Variants in GPR107 observed in about 807,000 individuals in gnomAD.
The protein encoded by GPR107 is G protein-coupled receptor 107.
In GPR107, 31 loss-of-function variants were observed where a neutral mutation model predicts 75.5. That is an observed-to-expected ratio of 0.41 (90% CI 0.31 to 0.55). The LOEUF is 0.55. Ranked by LOEUF, GPR107 falls within the 20% of genes least tolerant of loss-of-function variation. The probability of loss-of-function intolerance (pLI) is 0.26; values close to 1 mark genes in which losing one functional copy is unlikely to be tolerated. For synonymous variants in GPR107, 267 were observed against 251.3 expected (o/e 1.06, Z -0.59); for missense variants, 572 against 665.7 (o/e 0.86, Z 1.55).
At chr9:130,085,754 ATTTTTT>A (rs71387311) in intron 6 of GPR107, among the ~76,000 whole-genome samples, 5 of 78,672 alleles carry the variant, frequency 6.4e-5, no homozygotes, top group African/African-American at 2.5e-4. Flanking sequence ...CAATATTTTG[ATTTTTT>A]TTTTTTTTTT....
At position 130,128,514 on chromosome 9, in the gene GPR107, G is replaced by A. The variant is rs548857891; in HGVS notation, c.1441-126G>A. On this transcript the variant is annotated intron_variant, in intron 16 of 17. Coordinates refer to ENST00000347136, the MANE Select transcript of GPR107 (RefSeq NM_020960.5). ...AGGAAAATGCCCTGTAGCAGGAAGT[G>A]GCATCTGAGTAAAGAACCATCGAGT... 1.1e-4 allele frequency: 85 copies of A among 787,266 alleles called. 1 individual carries two copies. In the South Asian group the frequency reaches 1.3e-3, roughly 12 times the overall value. The allele number at this position is 787,266 out of a possible 1,614,324, so 48.8% of individuals were successfully genotyped here. A position where few individuals can be genotyped will look rare whatever the true frequency, so the allele number is the denominator to read the frequency against.
At position 130,127,838 on chromosome 9, in the gene GPR107, G is replaced by T. The variant is rs373286027; in HGVS notation, c.1440+272G>T. 2.4e-4 allele frequency among the ~76,000 whole-genome samples: 37 copies of T among 152,304 alleles called. 2 individuals carry two copies. In the South Asian group the frequency reaches 7.5e-3, roughly 31 times the overall value. On this transcript the variant is annotated intron_variant, in intron 16 of 17. Transcript: ENST00000347136. ...CTGCCTCAGCCTCCTGAGTAGCTGG[G>T]ATTATAGGGATGCACCACCATGCCC...
In GPR107 at chr9:130,076,459, C is replaced by T; in HGVS notation, c.303C>T (p.Tyr101=). The change falls in exon 3 of 18, where the codon TAC becomes TAT. Residue 101 remains tyrosine, a synonymous_variant. Transcript: ENST00000347136. The part of the protein sequence containing the change: ...DRTKNDGFSS[Y]LDEDVNYCIL... ...CAAAGAATGATGGCTTTTCTTCTTA[C>T]CTGGTGAGTATTAAATGTGTGACCT... 6.4e-7 allele frequency: 1 copy of T among 1,568,258 alleles called. No individual in the cohort carries two copies. The highest frequency in any genetic ancestry group is 8.8e-7 in the Non-Finnish European group (1 of 1,138,138).
At chr9:130,066,965 G>C (rs535066514) in intron 1 of GPR107, among the ~76,000 whole-genome samples, 22 of 151,464 alleles carry the variant, frequency 1.5e-4, no homozygotes, top group African/African-American at 5.1e-4. Context: ...CAGCCTGGGC[G>C]ACAGAGCGAG....
intron 14 of GPR107, chr9:130,110,367 C>G (rs902773125): frequency 6.5e-7 from 1 of 1,527,252 alleles, no homozygotes; most frequent in Non-Finnish European, 8.9e-7. Flanking sequence ...TTTTTTCCAC[C>G]AGGTGACAGC....
intron 14 of GPR107, among the ~76,000 whole-genome samples, chr9:130,115,962 A>G (rs564756612): frequency 8.5e-5 from 13 of 152,256 alleles, no homozygotes; most frequent in African/African-American, 2.9e-4. Context: ...TTAATCACCA[A>G]AACTCTCTTG....
At position 130,090,900 on chromosome 9, in the gene GPR107, G is replaced by T; in HGVS notation, c.646G>T (p.Asp216Tyr). ...GTTTTTCTTTAACATCAGCACTGAT[G>T]ACCAAGAAGGCCTTTACAGTCTTTA... ...FQFFFNISTDDQEGLYSLYFH... is the reference protein window; with the variant it reads ...FQFFFNISTDYQEGLYSLYFH... The change falls in exon 8 of 18, where the codon GAC (aspartate) becomes TAC (tyrosine). Residue 216 changes from aspartate to tyrosine, a missense_variant. Coordinates refer to ENST00000347136, the MANE Select transcript of GPR107 (RefSeq NM_020960.5). 2 of 1,490,018 alleles carry T rather than the reference G, an allele frequency of 1.3e-6. No homozygotes were observed. Among genetic ancestry groups the T allele is most frequent in the South Asian group, 2.3e-5 (2 of 88,050 alleles). 92.3% of individuals were successfully genotyped at this position (1,490,018 alleles called of 1,614,324 possible).
chr9:130,117,800 C>A lies in GPR107; in HGVS notation c.1307-7115C>A, dbSNP rs549758551. 7.2e-5 allele frequency among the ~76,000 whole-genome samples: 11 copies of A among 152,196 alleles called. No homozygotes were observed. The South Asian group carries it at 2.3e-3, about 32-fold the overall frequency. The stretch of plus-strand genomic sequence containing the variant: ...TTTAGGCTCTGAGGCTGTCCTTACA[C>A]TCAGGGAAGGATTGTTTTAGAAATT... On this transcript the variant is annotated intron_variant, in intron 14 of 17. Coordinates refer to ENST00000347136, the MANE Select transcript of GPR107 (RefSeq NM_020960.5).
chr9:130,129,051 G>A (rs1037866517), intron 17 of GPR107: 6 of 266,204 alleles, frequency 2.3e-5, no homozygotes, highest in African/African-American at 4.5e-5. Flanking sequence ...AGGAATATAC[G>A]TGGCCAGTTC....
At chr9:130,089,376 G>A (rs1043287213) in intron 7 of GPR107, among the ~76,000 whole-genome samples, 6 of 152,134 alleles carry the variant, frequency 3.9e-5, no homozygotes, top group East Asian at 1.9e-4. Context: ...GGTAGCTTGC[G>A]TTTCTCTGGC....
intron 1 of GPR107, among the ~76,000 whole-genome samples, chr9:130,059,825 G>A (rs1829882855): frequency 6.7e-6 from 1 of 150,146 alleles, no homozygotes; most frequent in Non-Finnish European, 1.5e-5. Context: ...TGCAACCTCT[G>A]CCTCCCGGGT....
At chr9:130,102,306 G>A (rs111320364) in intron 12 of GPR107, among the ~76,000 whole-genome samples, 1 of 152,196 alleles carries the variant, frequency 6.6e-6, no homozygotes, top group Non-Finnish European at 1.5e-5. Context: ...CCGAGGTCTC[G>A]GAGTTGTGAA....
At position 130,136,583 on chromosome 9, in the gene GPR107, G is replaced by GAA. The variant is rs1564690439; in HGVS notation, c.*1463_*1464dup. ...GAGTTGTTTTCTCACCTCTGGCTTA[G>GAA]AAGGGTCAGGCAGAAACCACAGGAT... On this transcript the variant is annotated 3_prime_UTR_variant, in exon 18 of 18. Coordinates refer to ENST00000347136, the MANE Select transcript of GPR107 (RefSeq NM_020960.5). 6.6e-6 allele frequency: 1 copy of GAA among 152,190 alleles called. No individual in the cohort carries two copies. The highest frequency in any genetic ancestry group is 1.5e-5 in the Non-Finnish European group (1 of 68,030). 9.4% of individuals were successfully genotyped at this position (152,190 alleles called of 1,614,324 possible).
In GPR107 at chr9:130,119,867, TACTC is replaced by T. The variant is rs538109604; in HGVS notation, c.1307-5041_1307-5038del. On this transcript the variant is annotated intron_variant, in intron 14 of 17. Coordinates refer to ENST00000347136, the MANE Select transcript of GPR107 (RefSeq NM_020960.5). ...TGTTTGTTTGTTTTACTGAGACAGG[TACTC>T]ACTCACCCAAGCTGGAGTGCCAGTG... Among the ~76,000 whole-genome samples the T allele has an allele frequency of 3.9e-5, 6 of 152,100 alleles. No homozygotes were observed. The East Asian group carries it at 1.2e-3, about 29-fold the overall frequency.
At chr9:130,071,932 G>A (rs530667419) in intron 1 of GPR107, among the ~76,000 whole-genome samples, 9 of 151,526 alleles carry the variant, frequency 5.9e-5, no homozygotes, top group South Asian at 2.1e-4. Flanking sequence ...TGATCCGTCC[G>A]CCGCGGCCTC....
At chr9:130,086,521 C>A (rs980949685) in intron 7 of GPR107, 45 bp downstream of exon 7, 8 of 1,111,480 alleles carry the variant, frequency 7.2e-6, no homozygotes, top group Non-Finnish European at 1.1e-5. Context: ...TTCTCTCTAC[C>A]ATGTAAAAGG....
chr9:130,081,181 G>C (rs945668982), intron 5 of GPR107, among the ~76,000 whole-genome samples: 1 of 151,998 alleles, frequency 6.6e-6, no homozygotes, highest in Non-Finnish European at 1.5e-5. Flanking sequence ...CTGCAGCCTG[G>C]ATGACAGAAC....
chr9:130,134,516 A>C (rs1473970444), intron 17 of GPR107, among the ~76,000 whole-genome samples: 7 of 152,266 alleles, frequency 4.6e-5, no homozygotes, highest in Non-Finnish European at 8.8e-5. Context: ...TTCTCTGTCT[A>C]TAGTGGCCAA....
rs1028812131 is a variant in GPR107 at position 130,103,862 on chromosome 9, C to T, written c.1132-558C>T. On this transcript the variant is annotated intron_variant, in intron 12 of 17. Transcript: ENST00000347136. The surrounding 1 kb of genome is among the most constrained non-coding windows in gnomAD (Gnocchi z 4.3). ...TCAGCGACTTAAAACGACAATAACC[C>T]GTCATTCTCTCTCTCAGTTTCTGTG... is the stretch of plus-strand genomic sequence containing the variant. Among the ~76,000 whole-genome samples, 8 of 152,122 alleles carry T rather than the reference C, an allele frequency of 5.3e-5. No homozygotes were observed. The highest frequency in any genetic ancestry group is 1.7e-4 in the African/African-American group (7 of 41,414).
Sources: allele counts gnomAD v4.1 joint callset (sites outside exome capture counted in the v4.1 genomes callset), GRCh38; gene constraint gnomAD v4.1.1; non-coding constraint Gnocchi (gnomAD v3.1); transcripts MANE v1.5; gene names NCBI Gene and HGNC (gene_info 2026-07-23, HGNC 2026-07-21).